Variants in GLIPR2 observed in about 807,000 individuals in gnomAD.
GLIPR2 encodes Golgi-associated plant pathogenesis-related protein 1.
In GLIPR2, 21 loss-of-function variants were observed where a neutral mutation model predicts 20.4. The observed-to-expected ratio is 1.03, with a 90% CI of 0.73 to 1.48. GLIPR2 has a LOEUF of 1.48. Among genes scored for constraint, GLIPR2 ranks in the 40% most tolerant of loss-of-function variants. The pLI, the probability that GLIPR2 is intolerant of heterozygous loss-of-function variation, is 0.00. For missense variants in GLIPR2, 205 were observed against 200.1 expected, an observed-to-expected ratio of 1.02 and a Z score of -0.15; for synonymous variants, 91 against 80.5, an observed-to-expected ratio of 1.13 and a Z score of -0.70.
intron 1 of GLIPR2, among the ~76,000 whole-genome samples, chr9:36,137,341 G>A (rs568782253): frequency 1.3e-5 from 2 of 152,280 alleles, no homozygotes; most frequent in Admixed American, 6.5e-5. Flanking sequence ...TCCTCCTGTC[G>A]CTCCCTAACA....
At chr9:36,161,178 T>C (rs1365146786) in intron 4 of GLIPR2, among the ~76,000 whole-genome samples, 1 of 152,156 alleles carries the variant, frequency 6.6e-6, no homozygotes, top group Non-Finnish European at 1.5e-5. Flanking sequence ...TGGGTGGACC[T>C]GAGATGCATT....
intron 4 of GLIPR2, among the ~76,000 whole-genome samples, chr9:36,161,131 T>A (rs1015983092): frequency 7.2e-5 from 11 of 152,060 alleles, no homozygotes; most frequent in Admixed American, 7.2e-4. Flanking sequence ...ATGGTCCATG[T>A]GAGAAAAGTT....
intron 4 of GLIPR2, among the ~76,000 whole-genome samples, chr9:36,154,447 T>C (rs1825742109): frequency 1.3e-5 from 2 of 152,168 alleles, no homozygotes; most frequent in Admixed American, 6.6e-5. Flanking sequence ...GTTTTATGCT[T>C]GTCAGAGATT....
At chr9:36,152,022 A>G (rs1825607855) in intron 4 of GLIPR2, among the ~76,000 whole-genome samples, 1 of 152,164 alleles carries the variant, frequency 6.6e-6, no homozygotes, top group Non-Finnish European at 1.5e-5. Flanking sequence ...ACACGTTCTC[A>G]GCGCCAGTCA....
intron 4 of GLIPR2, 134 bp downstream of exon 4, chr9:36,151,083 GCTTGAC>G (rs1339962815): frequency 1.2e-5 from 8 of 682,282 alleles, no homozygotes; most frequent in Non-Finnish European, 2.1e-5. Context: ...TATTTCTCTG[GCTTGAC>G]CTTGACCACA....
intron 1 of GLIPR2, among the ~76,000 whole-genome samples, chr9:36,138,589 G>A (rs372472433): frequency 1.3e-5 from 2 of 152,272 alleles, no homozygotes; most frequent in South Asian, 4.1e-4. Context: ...ATTCAGCTGT[G>A]TGCCCATTCT....
chr9:36,142,691 C>G (rs528754991), intron 1 of GLIPR2, among the ~76,000 whole-genome samples: 2 of 152,054 alleles, frequency 1.3e-5, no homozygotes, highest in Admixed American at 6.6e-5. Flanking sequence ...GGGAGATGGA[C>G]GACTTTTCTT....
At chr9:36,145,157 A>C (rs1287026556) in intron 1 of GLIPR2, 2 of 152,268 alleles carry the variant, frequency 1.3e-5, no homozygotes, top group East Asian at 3.8e-4. Flanking sequence ...CCAATTCAGC[A>C]TAAGGGCCCT....
intron 4 of GLIPR2, among the ~76,000 whole-genome samples, chr9:36,155,183 A>G (rs1291843922): frequency 6.6e-6 from 1 of 152,230 alleles, no homozygotes; most frequent in African/African-American, 2.4e-5. Flanking sequence ...TCTTGCTTCA[A>G]TTGTATCATG....
chr9:36,162,823 T>G lies in GLIPR2; in HGVS notation c.*301T>G, dbSNP rs899738026. 4.2e-6 allele frequency: 2 copies of G among 478,574 alleles called. No homozygotes were observed. The highest frequency in any genetic ancestry group is 2.0e-5 in the African/African-American group (1 of 49,878). 29.6% of individuals were successfully genotyped at this position (478,574 alleles called of 1,614,324 possible). ...TTGTTATTTCTAAGCAAACCTCTTT[T>G]GTACTTTTCTTACTTCTAATATCCA... On this transcript the variant is annotated 3_prime_UTR_variant, in exon 5 of 5. Transcript: ENST00000377960.
At chr9:36,159,001 G>T (rs1445348912) in intron 4 of GLIPR2, among the ~76,000 whole-genome samples, 1 of 152,140 alleles carries the variant, frequency 6.6e-6, no homozygotes, top group Non-Finnish European at 1.5e-5. Flanking sequence ...GGAGGCAGAG[G>T]TTGCAGTGAG....
intron 2 of GLIPR2, among the ~76,000 whole-genome samples, chr9:36,148,278 T>C (rs1233164034): frequency 6.6e-6 from 1 of 150,412 alleles, no homozygotes; most frequent in Non-Finnish European, 1.5e-5. Flanking sequence ...GGGCCCTGCA[T>C]GGTTTTGGGG....
intron 4 of GLIPR2, among the ~76,000 whole-genome samples, chr9:36,153,160 C>T (rs1825677466): frequency 2.0e-5 from 3 of 149,806 alleles, no homozygotes; most frequent in Admixed American, 6.7e-5. Flanking sequence ...GGGCTTTATT[C>T]TACCCATTTT....
intron 1 of GLIPR2, among the ~76,000 whole-genome samples, chr9:36,147,398 G>C (rs7023297): frequency 6.6e-6 from 1 of 152,194 alleles, no homozygotes; most frequent in East Asian, 1.9e-4. Flanking sequence ...ATTGCTGACT[G>C]TCCAGGTCCC....
At chr9:36,154,358 G>T (rs1182089852) in intron 4 of GLIPR2, among the ~76,000 whole-genome samples, 1 of 152,114 alleles carries the variant, frequency 6.6e-6, no homozygotes, top group East Asian at 1.9e-4. Context: ...TTCCGGAGGT[G>T]TCCTGTGCTT....
At chr9:36,145,738 G>A (rs1825301622) in intron 1 of GLIPR2, among the ~76,000 whole-genome samples, 1 of 152,030 alleles carries the variant, frequency 6.6e-6, no homozygotes, top group African/African-American at 2.4e-5. Context: ...GATGATGTTG[G>A]ATGAATGGTG....
At chr9:36,149,051 A>G (rs540205265) in intron 3 of GLIPR2, among the ~76,000 whole-genome samples, 41 of 152,230 alleles carry the variant, frequency 2.7e-4, no homozygotes, top group Non-Finnish European at 4.4e-4. Flanking sequence ...TTCTTACCGT[A>G]CTGGTGATAC....
intron 4 of GLIPR2, among the ~76,000 whole-genome samples, chr9:36,153,122 C>CAAAAAAA (rs755775246): frequency 1.1e-5 from 1 of 88,436 alleles, no homozygotes; most frequent in African/African-American, 4.3e-5. Flanking sequence ...GACTCTGTCT[C>CAAAAAAA]AAAAAAAAAA....
chr9:36,137,596 G>T (rs1321185085), intron 1 of GLIPR2, among the ~76,000 whole-genome samples: 1 of 152,158 alleles, frequency 6.6e-6, no homozygotes, highest in East Asian at 1.9e-4. Context: ...GGGAGGGAGC[G>T]CCCAACCTGG....
Sources: gnomAD v4.1 joint callset for allele counts (sites outside exome capture counted in the v4.1 genomes callset) on GRCh38, gnomAD v4.1.1 for gene constraint, MANE v1.5 for transcripts, NCBI Gene and HGNC (gene_info 2026-07-23, HGNC 2026-07-21) for gene names.